Variants in CDC45 observed in about 807,000 individuals in gnomAD.
CDC45 encodes the protein cell division cycle 45.
A neutral mutation model predicts 77.8 loss-of-function variants in CDC45; 54 were observed. The ratio of observed to expected loss-of-function variants is 0.69; its 90% CI spans 0.56 to 0.87. CDC45 has a LOEUF of 0.87. CDC45 is among the 40% of genes least tolerant of loss of function. The probability of loss-of-function intolerance (pLI) is 0.00; values close to 1 mark genes in which losing one functional copy is unlikely to be tolerated. For synonymous variants in CDC45, 260 were observed against 272.1 expected, an observed-to-expected ratio of 0.96 and a Z score of 0.44; for missense variants, 649 against 721.6, an observed-to-expected ratio of 0.90 and a Z score of 1.15.
rs1426153110 is a variant in CDC45 at position 19,507,238 on chromosome 22, AG to A, written c.825-145del. 13 of 891,100 alleles carry A rather than the reference AG, an allele frequency of 1.5e-5. No homozygotes were observed. The Admixed American group carries it at 2.0e-4, about 13-fold the overall frequency. The allele number at this position is 891,100 out of a possible 1,614,324, so 55.2% of individuals were successfully genotyped here. On this transcript the variant is annotated intron_variant, in intron 10 of 18. Transcript: ENST00000263201. ...GGTCAGCTTAAGCTAAGAAGGTCAAAGGGCTCCAGGTCACTCTTGGGATACC... is the reference window on the plus strand; with the variant it reads ...GGTCAGCTTAAGCTAAGAAGGTCAAAGGCTCCAGGTCACTCTTGGGATACC...
At position 19,507,755 on chromosome 22, in the gene CDC45, G is replaced by A; in HGVS notation, c.957-11G>A. ...GACCTCACTCATGTGGCTTGGGCTT[G>A]CTCTTTCCAGTCTTCCCCTGAAGCA... On this transcript the variant is annotated splice_polypyrimidine_tract_variant and intron_variant, in intron 11 of 18. Coordinates refer to ENST00000263201, the MANE Select transcript of CDC45 (RefSeq NM_003504.5). 1 of 1,582,442 alleles carries A rather than the reference G, an allele frequency of 6.3e-7. No individual in the cohort carries two copies. The highest frequency in any genetic ancestry group is 8.6e-7 in the Non-Finnish European group (1 of 1,164,298).
intron 4 of CDC45, 84 bp from the exon 5 acceptor site, chr22:19,483,778 A>T: frequency 7.7e-7 from 1 of 1,296,362 alleles, no homozygotes; most frequent in Non-Finnish European, 1.1e-6. Context: ...CTTATTAGGA[A>T]ATGATAAGAT....
chr22:19,482,266 A>G (rs1402070679), intron 3 of CDC45, among the ~76,000 whole-genome samples: 1 of 152,250 alleles, frequency 6.6e-6, no homozygotes, highest in Non-Finnish European at 1.5e-5. Flanking sequence ...ATAGTGATAG[A>G]GTGTGATAAA....
chr22:19,516,882 T>A lies in CDC45; in HGVS notation c.1625T>A (p.Phe542Tyr). Residue 542 changes from phenylalanine (F) to tyrosine (Y), a missense_variant, in exon 17 of 19, where the codon TTT (phenylalanine) becomes TAT (tyrosine). Physicochemically the swap from Phe to Tyr is conservative, Grantham distance 22 (BLOSUM62 3). Transcript: ENST00000263201. ...STSSRMLHNHFDLSVIELKAE... is the reference protein window; with the variant it reads ...STSSRMLHNHYDLSVIELKAE... ...AGCTCCCGGATGCTGCACAACCATT[T>A]TGACCTCTCAGGTGAGAGTCTCCTG... 1 of 1,613,844 alleles carries A rather than the reference T, an allele frequency of 6.2e-7. No homozygotes were observed. Among genetic ancestry groups the A allele is most frequent in the Non-Finnish European group, 8.5e-7 (1 of 1,179,726 alleles).
In CDC45 at chr22:19,507,383, C is replaced by T; in HGVS notation, c.825-3C>T. 6.2e-7 allele frequency: 1 copy of T among 1,613,778 alleles called. No homozygotes were observed. The highest frequency in any genetic ancestry group is 8.5e-7 in the Non-Finnish European group (1 of 1,179,968). ...CTTGCATGCTCCTTGACTGCAGGCC[C>T]AGCCTCCGCCTGGTGCTCTACCAGC... On this transcript the variant is annotated splice_region_variant and splice_polypyrimidine_tract_variant and intron_variant, in intron 10 of 18. Coordinates refer to ENST00000263201, the MANE Select transcript of CDC45 (RefSeq NM_003504.5).
chr22:19,502,817 C>T (rs1002109), intron 9 of CDC45, among the ~76,000 whole-genome samples: 3 of 152,172 alleles, frequency 2.0e-5, no homozygotes, highest in South Asian at 2.1e-4. Flanking sequence ...AACAAAATCT[C>T]CAAGTAGCTC....
At chr22:19,501,179 CAAAA>C (rs71729178) in intron 9 of CDC45, among the ~76,000 whole-genome samples, 1 of 149,692 alleles carries the variant, frequency 6.7e-6, no homozygotes, top group African/African-American at 2.5e-5. Flanking sequence ...GACTCCGTCT[CAAAA>C]AAAAACAAAC....
At chr22:19,483,081 G>C (rs1426974442) in intron 4 of CDC45, among the ~76,000 whole-genome samples, 3 of 151,948 alleles carry the variant, frequency 2.0e-5, no homozygotes, top group African/African-American at 7.3e-5. Context: ...CTCCTTAGTA[G>C]GTGGGACTAC....
intron 5 of CDC45, among the ~76,000 whole-genome samples, chr22:19,491,133 TCTC>T (rs1209938854): frequency 6.6e-6 from 1 of 152,154 alleles, no homozygotes; most frequent in African/African-American, 2.4e-5. Context: ...GGCCTTGTCT[TCTC>T]TTAATGTCTT....
intron 2 of CDC45, among the ~76,000 whole-genome samples, chr22:19,480,451 T>A (rs1401980620): frequency 6.6e-6 from 1 of 152,176 alleles, no homozygotes; most frequent in Admixed American, 6.5e-5. Flanking sequence ...GAGACTAGTT[T>A]GTATTTTTGC....
chr22:19,510,643 C>G lies in CDC45; in HGVS notation c.1217+1952C>G, dbSNP rs141879851. 5.1e-3 allele frequency among the ~76,000 whole-genome samples: 774 copies of G among 152,268 alleles called. 14 individuals are homozygous for G. Among genetic ancestry groups the G allele is most frequent in the African/African-American group, 0.018 (757 of 41,546 alleles). Reference sequence around the variant, plus strand: ...TCCTGGGTTCAAGCAATTCTCCTGCCTCAGCCTACCGAGTAGCTGGGATTA... The same window carrying G: ...TCCTGGGTTCAAGCAATTCTCCTGCGTCAGCCTACCGAGTAGCTGGGATTA... On this transcript the variant is annotated intron_variant, in intron 13 of 18. Coordinates refer to ENST00000263201, the MANE Select transcript of CDC45 (RefSeq NM_003504.5).
chr22:19,503,276 C>G (rs758713981), intron 9 of CDC45, among the ~76,000 whole-genome samples: 53 of 152,194 alleles, frequency 3.5e-4, no homozygotes, highest in Admixed American at 2.3e-3. Context: ...CGTCTCTTGT[C>G]TTCCCAGTTT....
At position 19,480,228 on chromosome 22, in the gene CDC45, C is replaced by G. The variant is rs1206580810; in HGVS notation, c.111+11C>G. ...TGCAAGATCCTTCAGGTGAGTTCTG[C>G]GGACCCTAGGAGGGCGGGGCCGGCG... On this transcript the variant is annotated intron_variant, in intron 2 of 18. Transcript: ENST00000263201. The G allele has an allele frequency of 6.2e-7, 1 of 1,612,674 alleles. No individual in the cohort carries two copies. Among genetic ancestry groups the G allele is most frequent in the Non-Finnish European group, 8.5e-7 (1 of 1,179,332 alleles).
chr22:19,518,990 A>G, intron 18 of CDC45, 81 bp downstream of exon 18: 3 of 1,050,402 alleles, frequency 2.9e-6, no homozygotes, highest in Non-Finnish European at 4.4e-6. Flanking sequence ...GTCCTCCCTC[A>G]ACGGAGGCTT....
chr22:19,480,108 G>A (rs767133327), intron 1 of CDC45, 50 bp from the exon 2 acceptor site: 4 of 1,612,334 alleles, frequency 2.5e-6, no homozygotes, highest in Non-Finnish European at 2.5e-6. Flanking sequence ...AGGCAGGGGA[G>A]GGCCGGGGTT....
intron 6 of CDC45, among the ~76,000 whole-genome samples, chr22:19,495,038 G>A (rs933562507): frequency 3.9e-5 from 6 of 152,154 alleles, no homozygotes; most frequent in South Asian, 2.1e-4. Context: ...GTGACAGAGC[G>A]AGACCTTGTC....
chr22:19,480,362 G>A (rs1212137007), intron 2 of CDC45, 145 bp downstream of exon 2: 1 of 768,620 alleles, frequency 1.3e-6, no homozygotes, highest in Non-Finnish European at 2.2e-6. Context: ...CAGCAAGTGA[G>A]AGGAGAGAGA....
At chr22:19,484,713 T>G (rs1166415412) in intron 5 of CDC45, among the ~76,000 whole-genome samples, 5 of 152,210 alleles carry the variant, frequency 3.3e-5, no homozygotes, top group African/African-American at 1.2e-4. Flanking sequence ...AATGTGCTTT[T>G]GGGAAGCCTT....
intron 18 of CDC45, among the ~76,000 whole-genome samples, chr22:19,519,813 C>T (rs543275936): frequency 6.6e-6 from 1 of 152,354 alleles, no homozygotes; most frequent in African/African-American, 2.4e-5. Context: ...CCCCACAGTT[C>T]CTCTCAGGGT....
Sources: allele counts gnomAD v4.1 joint callset (sites outside exome capture counted in the v4.1 genomes callset), GRCh38; gene constraint gnomAD v4.1.1; transcripts MANE v1.5; gene names NCBI Gene and HGNC (gene_info 2026-07-23, HGNC 2026-07-21).